ATP8A2: variants seen among roughly 807,000 people sequenced by gnomAD.
ATP8A2 encodes ATPase phospholipid transporting 8A2, also known as phospholipid-transporting ATPase IB.
ATP8A2 carries 100 observed loss-of-function variants against 165.6 expected under a neutral mutation model. That is an observed-to-expected ratio of 0.60 (90% CI 0.51 to 0.71). The LOEUF is 0.71. Ranked by LOEUF, ATP8A2 falls within the 30% of genes least tolerant of loss-of-function variation. The probability of loss-of-function intolerance (pLI) is 0.00; values close to 1 mark genes in which losing one functional copy is unlikely to be tolerated. For synonymous variants in ATP8A2, 543 were observed against 548.8 expected (o/e 0.99, Z 0.15); for missense variants, 1,227 against 1,479.5 (o/e 0.83, Z 2.80).
intron 1 of ATP8A2, among the ~76,000 whole-genome samples, chr13:25,424,342 T>A (rs923468532): frequency 6.6e-5 from 10 of 152,236 alleles, no homozygotes; most frequent in African/African-American, 2.4e-4. Context: ...TTCTAACACA[T>A]GGCAGTGTTG....
At chr13:25,990,880 T>C (rs1164704743) in intron 35 of ATP8A2, among the ~76,000 whole-genome samples, 1 of 152,202 alleles carries the variant, frequency 6.6e-6, no homozygotes, top group Non-Finnish European at 1.5e-5. Context: ...TTGGGGTCTC[T>C]CCAGGTCAGC....
In ATP8A2 at chr13:25,636,171, ATC is replaced by A. The variant is rs560907671; in HGVS notation, c.2211+46475_2211+46476del. Among the ~76,000 whole-genome samples the A allele has an allele frequency of 1.4e-3, 216 of 152,152 alleles. 1 individual carries two copies. The highest frequency in any genetic ancestry group is 2.7e-3 in the Non-Finnish European group (183 of 68,024). ...GTGGATTTTGAGGACAGGAAGGAAT[ATC>A]TCAGAATTATGAAAGCTTTTGTCTC... On this transcript the variant is annotated intron_variant, in intron 24 of 36. Coordinates refer to ENST00000381655, the MANE Select transcript of ATP8A2 (RefSeq NM_016529.6).
At chr13:25,670,580 A>T (rs2042244179) in intron 24 of ATP8A2, among the ~76,000 whole-genome samples, 1 of 152,140 alleles carries the variant, frequency 6.6e-6, no homozygotes, top group Admixed American at 6.5e-5. Flanking sequence ...CTGGTTTACC[A>T]CCTTTTGGCT....
chr13:25,382,842 G>A (rs1317607849), intron 1 of ATP8A2, among the ~76,000 whole-genome samples: 20 of 146,992 alleles, frequency 1.4e-4, no homozygotes, highest in Admixed American at 1.2e-3. Context: ...TGCAAGCTCC[G>A]CCTCCCGGGT....
chr13:25,909,425 C>G (rs888126243), intron 33 of ATP8A2, among the ~76,000 whole-genome samples: 6 of 152,118 alleles, frequency 3.9e-5, no homozygotes, highest in Non-Finnish European at 5.9e-5. Flanking sequence ...TTAAAAATAA[C>G]TTTTTAAAAA....
intron 24 of ATP8A2, among the ~76,000 whole-genome samples, chr13:25,696,398 T>C (rs1180225488): frequency 2.6e-5 from 4 of 152,236 alleles, no homozygotes; most frequent in African/African-American, 9.6e-5. Context: ...TGACTTCTCC[T>C]CTCTAGCTAT....
rs529618826 is a variant in ATP8A2, at chr13:25,755,823, A to G, written c.2385-13223A>G. Among the ~76,000 whole-genome samples, 207 of 152,154 alleles carry G rather than the reference A, an allele frequency of 1.4e-3. 1 individual carries two copies. Among genetic ancestry groups the G allele is most frequent in the African/African-American group, 4.4e-3 (182 of 41,520 alleles). ...TTGGGAGGCTGATGTAGGAGAATCG[A>G]TTGAACCTGGGAGGTGGACGTTGCA... On this transcript the variant is annotated intron_variant, in intron 25 of 36. Transcript: ENST00000381655.
chr13:25,786,636 T>C (rs937916215), intron 27 of ATP8A2, among the ~76,000 whole-genome samples: 9 of 152,218 alleles, frequency 5.9e-5, no homozygotes, highest in Non-Finnish European at 1.2e-4. Context: ...AGTTCCACCT[T>C]AGAGGTTGCC....
intron 2 of ATP8A2, among the ~76,000 whole-genome samples, chr13:25,475,637 A>T (rs918989200): frequency 1.3e-5 from 2 of 152,324 alleles, no homozygotes; most frequent in Admixed American, 1.3e-4. Flanking sequence ...TTTCACCAAC[A>T]GTGTGTAAGT....
At chr13:25,766,168 T>A (rs186920790) in intron 25 of ATP8A2, among the ~76,000 whole-genome samples, 91 of 152,348 alleles carry the variant, frequency 6.0e-4, no homozygotes, top group Non-Finnish European at 2.6e-4. Flanking sequence ...CCTCAGTGAA[T>A]GAATGATTTT....
At chr13:25,429,596 A>T (rs2034548850) in intron 1 of ATP8A2, among the ~76,000 whole-genome samples, 1 of 152,106 alleles carries the variant, frequency 6.6e-6, no homozygotes, top group Non-Finnish European at 1.5e-5. Context: ...GAGTCACCTT[A>T]ATAGACTGCC....
intron 25 of ATP8A2, among the ~76,000 whole-genome samples, chr13:25,755,223 T>C (rs934421937): frequency 6.6e-6 from 1 of 152,200 alleles, no homozygotes; most frequent in African/African-American, 2.4e-5. Context: ...AGACAAATGA[T>C]GGTACTATCA....
chr13:25,426,453 C>T (rs2034451009), intron 1 of ATP8A2, among the ~76,000 whole-genome samples: 1 of 152,116 alleles, frequency 6.6e-6, no homozygotes, highest in Non-Finnish European at 1.5e-5. Context: ...GCTCCACCTC[C>T]AACACTGGGG....
At chr13:25,673,335 G>A (rs951155603) in intron 24 of ATP8A2, among the ~76,000 whole-genome samples, 1 of 152,144 alleles carries the variant, frequency 6.6e-6, no homozygotes, top group Admixed American at 6.5e-5. Flanking sequence ...AGAAATTTTG[G>A]ATAGGATACA....
intron 33 of ATP8A2, among the ~76,000 whole-genome samples, chr13:25,870,931 A>C (rs1336310163): frequency 3.3e-5 from 5 of 152,250 alleles, no homozygotes; most frequent in African/African-American, 9.6e-5. Context: ...AAAGTAAAGC[A>C]GGTTTCAAAC....
At chr13:25,407,979 C>T (rs750912178) in intron 1 of ATP8A2, among the ~76,000 whole-genome samples, 2 of 152,070 alleles carry the variant, frequency 1.3e-5, no homozygotes, top group Non-Finnish European at 2.9e-5. Context: ...CTTAAAACCT[C>T]GATGACGGGT....
intron 33 of ATP8A2, among the ~76,000 whole-genome samples, chr13:25,909,961 G>C (rs1421706881): frequency 1.3e-5 from 2 of 152,140 alleles, no homozygotes; most frequent in African/African-American, 4.8e-5. Flanking sequence ...TGTTGTAGCA[G>C]GTGTGCAATT....
chr13:25,759,151 G>A (rs1566110893), intron 25 of ATP8A2, among the ~76,000 whole-genome samples: 1 of 152,172 alleles, frequency 6.6e-6, no homozygotes, highest in African/African-American at 2.4e-5. Context: ...TAATTGCTTG[G>A]ATTAGGACTG....
At chr13:25,765,111 G>C (rs547163777) in intron 25 of ATP8A2, among the ~76,000 whole-genome samples, 1 of 152,282 alleles carries the variant, frequency 6.6e-6, no homozygotes, top group East Asian at 1.9e-4. Context: ...AGGGACATGT[G>C]TCCCATAAAA....
Sources: allele counts gnomAD v4.1 joint callset (sites outside exome capture counted in the v4.1 genomes callset), GRCh38; gene constraint gnomAD v4.1.1; transcripts MANE v1.5; gene names NCBI Gene and HGNC (gene_info 2026-07-23, HGNC 2026-07-21).